The following YTHDF3 variants were observed in gnomAD, a reference collection of about 807,000 sequenced individuals.
YTHDF3 encodes YTH N6-methyladenosine RNA binding protein F3, also known as YTH domain-containing family protein 3.
YTHDF3 carries 9 observed loss-of-function variants against 52.5 expected under a neutral mutation model. The observed-to-expected ratio is 0.17, with a 90% CI of 0.10 to 0.30. The LOEUF is 0.30. YTHDF3 is among the 10% of genes least tolerant of loss of function. The pLI, the probability that YTHDF3 is intolerant of heterozygous loss-of-function variation, is 1.00. For synonymous variants in YTHDF3, 274 were observed against 243.3 expected (o/e 1.13, Z -1.18); for missense variants, 534 against 715.0 (o/e 0.75, Z 2.89).
chr8:63,194,889 C>T lies in YTHDF3; in HGVS notation c.1734+7144C>T, dbSNP rs76726118. 8.0e-3 allele frequency among the ~76,000 whole-genome samples: 1,217 copies of T among 152,220 alleles called. 24 individuals are homozygous for T. Among genetic ancestry groups the T allele is most frequent in the African/African-American group, 0.028 (1,173 of 41,552 alleles). On this transcript the variant is annotated intron_variant, in intron 4 of 4. Transcript: ENST00000539294. ...AATTTACATTGAGGTCTATAGTTAC[C>T]GTATCTTTCTTTCATTTCCTTCCTA... is the stretch of plus-strand genomic sequence containing the variant.
At chr8:63,181,459 T>C (rs547489263) in intron 3 of YTHDF3, among the ~76,000 whole-genome samples, 4 of 152,362 alleles carry the variant, frequency 2.6e-5, no homozygotes, top group African/African-American at 9.6e-5. Flanking sequence ...TTTCTCCATC[T>C]GATTGGCAAA....
intron 4 of YTHDF3, among the ~76,000 whole-genome samples, chr8:63,207,956 A>T (rs1271255449): frequency 6.6e-6 from 1 of 152,198 alleles, no homozygotes; most frequent in Non-Finnish European, 1.5e-5. Flanking sequence ...TTATGTTTCA[A>T]CTGGTTTGTG....
chr8:63,177,982 T>C (rs1023175648), intron 3 of YTHDF3, among the ~76,000 whole-genome samples: 1 of 152,152 alleles, frequency 6.6e-6, no homozygotes, highest in Non-Finnish European at 1.5e-5. Flanking sequence ...GGTCTTGAAC[T>C]CCTGACGTCA....
chr8:63,187,820 T>C lies in YTHDF3; in HGVS notation c.1734+75T>C, dbSNP rs945727249. The C allele has an allele frequency of 2.8e-6, 4 of 1,452,610 alleles. No individual in the cohort carries two copies. The South Asian group carries it at 4.4e-5, about 16-fold the overall frequency. The allele number at this position is 1,452,610 out of a possible 1,614,324, so 90.0% of individuals were successfully genotyped here. ...TGCATGGATGGGTATATTCTGAGTTTAAGAACTTTCTGTGAAGGAAACCAA... is the reference window on the plus strand; with the variant it reads ...TGCATGGATGGGTATATTCTGAGTTCAAGAACTTTCTGTGAAGGAAACCAA... On this transcript the variant is annotated intron_variant, in intron 4 of 4. Transcript: ENST00000539294.
At position 63,178,274 on chromosome 8, in the gene YTHDF3, A is replaced by G. The variant is rs114026558; in HGVS notation, c.135+2858A>G. Among the ~76,000 whole-genome samples, 266 of 152,348 alleles carry G rather than the reference A, an allele frequency of 1.7e-3. 2 individuals carry two copies. The highest frequency in any genetic ancestry group is 6.1e-3 in the African/African-American group (254 of 41,578). On this transcript the variant is annotated intron_variant, in intron 3 of 4. Coordinates refer to ENST00000539294, the MANE Select transcript of YTHDF3 (RefSeq NM_152758.6). ...GGCACCTTAGTGTCTTCCTAGGGAA[A>G]ACCAGCGGAGGGTGCCTGAATCCCA...
chr8:63,186,801 G>A lies in YTHDF3; in HGVS notation c.790G>A (p.Ala264Thr). Reference protein sequence around the residue: ...PKGNVGIGGSAVPPPPIKHNM... With the variant: ...PKGNVGIGGSTVPPPPIKHNM... ...GGGCAATGTGGGAATTGGGGGTTCTGCTGTACCACCACCTCCTATAAAACA... is the reference window on the plus strand; with the variant it reads ...GGGCAATGTGGGAATTGGGGGTTCTACTGTACCACCACCTCCTATAAAACA... The change falls in exon 4 of 5, where the codon GCT becomes ACT. Residue 264 changes from alanine (A) to threonine (T), a missense_variant. Physicochemically the swap from Ala to Thr is moderately conservative, Grantham distance 58. This residue lies in a region of YTHDF3 where 203 missense variants were observed against 201.3 expected (regional missense o/e 1.01). Coordinates refer to ENST00000539294, the MANE Select transcript of YTHDF3 (RefSeq NM_152758.6). 1 of 1,613,988 alleles carries A rather than the reference G, an allele frequency of 6.2e-7. No homozygotes were observed. The highest frequency in any genetic ancestry group is 8.5e-7 in the Non-Finnish European group (1 of 1,179,896).
rs189108840 is a variant in YTHDF3 at position 63,204,566 on chromosome 8, T to A, written c.1735-5117T>A. Among the ~76,000 whole-genome samples, 56 of 152,288 alleles carry A rather than the reference T, an allele frequency of 3.7e-4. No homozygotes were observed. The East Asian group carries it at 0.01, about 28-fold the overall frequency. On this transcript the variant is annotated intron_variant, in intron 4 of 4. Coordinates refer to ENST00000539294, the MANE Select transcript of YTHDF3 (RefSeq NM_152758.6). Reference sequence around the variant, plus strand: ...TAGTAGAGACGGGGTTTCTCCATGTTGGTCAGGATGGTCTCGAACTCCTCA... The same window carrying A: ...TAGTAGAGACGGGGTTTCTCCATGTAGGTCAGGATGGTCTCGAACTCCTCA...
Position 63,186,166 on chromosome 8 carries a change from T to C in YTHDF3, c.155T>C (p.Met52Thr). ...TTGCAGAGTAACAGCTATCCACCAA[T>C]GTCAGATCCATACATGCCTAGTTAC... ...QTNQSNSYPP[M>T]SDPYMPSYYA... The change falls in exon 4 of 5, where the codon ATG becomes ACG. Residue 52 changes from methionine to threonine, a missense_variant. Met to Thr is a moderately conservative substitution (Grantham distance 81). This residue lies in a region of YTHDF3 where 196 missense variants were observed against 299.5 expected (regional missense o/e 0.65). Coordinates refer to ENST00000539294, the MANE Select transcript of YTHDF3 (RefSeq NM_152758.6). 2 of 1,612,418 alleles carry C rather than the reference T, an allele frequency of 1.2e-6. No individual in the cohort carries two copies. Among genetic ancestry groups the C allele is most frequent in the Non-Finnish European group, 1.7e-6 (2 of 1,178,616 alleles).
intron 3 of YTHDF3, among the ~76,000 whole-genome samples, chr8:63,184,632 C>A (rs189549930): frequency 1.3e-5 from 2 of 152,258 alleles, no homozygotes; most frequent in Middle Eastern, 3.4e-3. Context: ...CGTTATGTCA[C>A]ACATTCATGA....
intron 3 of YTHDF3, among the ~76,000 whole-genome samples, chr8:63,183,888 C>T (rs1483289761): frequency 2.0e-5 from 3 of 152,134 alleles, no homozygotes; most frequent in South Asian, 2.1e-4. Context: ...GCTCAAGAAC[C>T]TTATATAAAA....
intron 4 of YTHDF3, among the ~76,000 whole-genome samples, chr8:63,206,709 C>A (rs1331011283): frequency 1.3e-5 from 2 of 152,008 alleles, no homozygotes; most frequent in Non-Finnish European, 2.9e-5. Flanking sequence ...ATCTAGACTT[C>A]ATTTTTTAAA....
At chr8:63,170,831 A>G (rs914304639) in intron 2 of YTHDF3, among the ~76,000 whole-genome samples, 1 of 152,140 alleles carries the variant, frequency 6.6e-6, no homozygotes, top group African/African-American at 2.4e-5. Flanking sequence ...AAGTTCTATG[A>G]GGTACTTGTT....
chr8:63,209,875 C>T lies in YTHDF3; in HGVS notation c.*169C>T. ...TAATGGTTTTCATCAGCGCATCTGC[C>T]CTTATACTCTTCACCAAACACACTT... On this transcript the variant is annotated 3_prime_UTR_variant, in exon 5 of 5. Transcript: ENST00000539294. The T allele has an allele frequency of 1.7e-6, 1 of 604,970 alleles. No individual in the cohort carries two copies. The highest frequency in any genetic ancestry group is 3.6e-4 in the Middle Eastern group (1 of 2,812). The allele number at this position is 604,970 out of a possible 1,614,324, so 37.5% of individuals were successfully genotyped here. A position where few individuals can be genotyped will look rare whatever the true frequency, so the allele number is the denominator to read the frequency against.
At chr8:63,202,230 G>A (rs1458291645) in intron 4 of YTHDF3, among the ~76,000 whole-genome samples, 2 of 152,126 alleles carry the variant, frequency 1.3e-5, no homozygotes, top group African/African-American at 4.8e-5. Flanking sequence ...CATAATGATT[G>A]TCCTTTCCCC....
chr8:63,181,914 G>A (rs144686852), intron 3 of YTHDF3, among the ~76,000 whole-genome samples: 57 of 152,260 alleles, frequency 3.7e-4, no homozygotes, highest in Non-Finnish European at 7.1e-4. Context: ...CTTATGACAT[G>A]ATTAGATATG....
At chr8:63,198,606 T>TA (rs1260650320) in intron 4 of YTHDF3, among the ~76,000 whole-genome samples, 1 of 152,168 alleles carries the variant, frequency 6.6e-6, no homozygotes, top group African/African-American at 2.4e-5. Context: ...TAGTGCCTGA[T>TA]ACATTTTTTT....
intron 4 of YTHDF3, among the ~76,000 whole-genome samples, chr8:63,209,195 A>G (rs527913560): frequency 2.6e-5 from 4 of 152,246 alleles, no homozygotes; most frequent in African/African-American, 9.6e-5. Flanking sequence ...GTGAAAAGTT[A>G]TCTATCGTGT....
chr8:63,209,575 C>CTTTA (rs1585795484), intron 4 of YTHDF3, 108 bp from the exon 5 acceptor site: 1 of 1,115,968 alleles, frequency 9.0e-7, no homozygotes, highest in African/African-American at 1.6e-5. Flanking sequence ...AGTACTTGAA[C>CTTTA]TTTATATGGA....
intron 4 of YTHDF3, among the ~76,000 whole-genome samples, chr8:63,207,305 T>C (rs1052974786): frequency 1.1e-4 from 17 of 152,162 alleles, no homozygotes; most frequent in Non-Finnish European, 2.1e-4. Flanking sequence ...AACTTCCTTT[T>C]CCTTAAGTTT....
Sources: allele counts gnomAD v4.1 joint callset (sites outside exome capture counted in the v4.1 genomes callset), GRCh38; gene constraint gnomAD v4.1.1; regional missense constraint gnomAD v4.1.1; transcripts MANE v1.5; gene names NCBI Gene and HGNC (gene_info 2026-07-23, HGNC 2026-07-21).